The following F13A1 variants were observed in gnomAD, a reference collection of about 807,000 sequenced individuals.
F13A1 encodes the protein FSF, A subunit.
In F13A1, 47 loss-of-function variants were observed where a neutral mutation model predicts 80.1. The observed-to-expected ratio is 0.59, with a 90% CI of 0.46 to 0.75. The LOEUF (loss-of-function observed/expected upper bound fraction) is 0.75, where lower values mean the gene tolerates loss of function less well. Among genes scored for constraint, F13A1 ranks in the 30% least tolerant of loss-of-function variants. F13A1 has a pLI of 0.00. For synonymous variants in F13A1, 349 were observed against 344.9 expected (o/e 1.01, Z -0.13); for missense variants, 817 against 930.4 (o/e 0.88, Z 1.59).
chr6:6,145,655 C>T lies in F13A1; in HGVS notation c.2163G>A (p.Glu721=). ...SSDSLRHVYG[E]LDVQIQRRPS... Reference sequence around the variant, plus strand: ...GTCGTCTTTGAATCTGCACGTCCAGCTCGCCATACACATGTCTCAGGGAGT... The same window carrying T: ...GTCGTCTTTGAATCTGCACGTCCAGTTCGCCATACACATGTCTCAGGGAGT... Residue 721 remains glutamate, a synonymous_variant, in exon 15 of 15, where the codon GAG becomes GAA. Coordinates refer to ENST00000264870, the MANE Select transcript of F13A1 (RefSeq NM_000129.4). 1 of 1,614,206 alleles carries T rather than the reference C, an allele frequency of 6.2e-7. No homozygotes were observed. Among genetic ancestry groups the T allele is most frequent in the Non-Finnish European group, 8.5e-7 (1 of 1,180,010 alleles).
At chr6:6,307,646 T>C (rs1042379088) in intron 2 of F13A1, among the ~76,000 whole-genome samples, 1 of 152,180 alleles carries the variant, frequency 6.6e-6, no homozygotes, top group African/African-American at 2.4e-5. Flanking sequence ...TATACTGATA[T>C]TACATCCTTA....
chr6:6,269,735 A>G (rs113359575), intron 3 of F13A1, among the ~76,000 whole-genome samples: 2,561 of 151,522 alleles, frequency 0.017, 27 homozygotes, highest in Middle Eastern at 0.034. Flanking sequence ...TTGTTTTGAG[A>G]TGGAGTCTTG....
At chr6:6,313,355 A>T (rs151025041) in intron 2 of F13A1, among the ~76,000 whole-genome samples, 1 of 150,496 alleles carries the variant, frequency 6.6e-6, no homozygotes, top group East Asian at 2.0e-4. Flanking sequence ...CAGCTTTCAA[A>T]CTGTCTACCT....
At chr6:6,230,249 G>C (rs541197079) in intron 6 of F13A1, among the ~76,000 whole-genome samples, 2 of 152,110 alleles carry the variant, frequency 1.3e-5, no homozygotes, top group East Asian at 3.9e-4. Context: ...GGGCTGTTGA[G>C]GGGGGCACGG....
At chr6:6,296,065 G>A (rs1241946128) in intron 3 of F13A1, among the ~76,000 whole-genome samples, 1 of 146,934 alleles carries the variant, frequency 6.8e-6, no homozygotes, top group South Asian at 2.1e-4. Flanking sequence ...TAGATATGTG[G>A]CATTATTTCT....
chr6:6,259,298 C>G (rs1757746120), intron 4 of F13A1, among the ~76,000 whole-genome samples: 2 of 152,054 alleles, frequency 1.3e-5, no homozygotes, highest in African/African-American at 4.8e-5. Context: ...GTTACTTACT[C>G]CATTCTGTAT....
chr6:6,227,221 T>C (rs1333811426), intron 6 of F13A1, among the ~76,000 whole-genome samples: 1 of 152,252 alleles, frequency 6.6e-6, no homozygotes, highest in East Asian at 1.9e-4. Flanking sequence ...GAGGGTCCCT[T>C]CTGGGGAGTG....
intron 3 of F13A1, among the ~76,000 whole-genome samples, chr6:6,273,361 GA>G (rs1276283443): frequency 6.6e-6 from 1 of 152,204 alleles, no homozygotes; most frequent in African/African-American, 2.4e-5. Context: ...GATCATCATA[GA>G]GATGTTAGAA....
In F13A1 at chr6:6,266,699, G is replaced by T. The variant is rs767046666; in HGVS notation, c.430C>A (p.Arg144=). The change falls in exon 4 of 15, where the codon CGG becomes AGG. Residue 144 remains arginine, a synonymous_variant. Coordinates refer to ENST00000264870, the MANE Select transcript of F13A1 (RefSeq NM_000129.4). ...TTGGGGGAAGACTGGATGGACAGCCGCACAGACCTGTCCTCTCTCATGACA... is the reference window on the plus strand; with the variant it reads ...TTGGGGGAAGACTGGATGGACAGCCTCACAGACCTGTCCTCTCTCATGACA... ...KIVMREDRSV[R]LSIQSSPKCI... The T allele has an allele frequency of 1.2e-6, 2 of 1,614,136 alleles. No homozygotes were observed. Among genetic ancestry groups the T allele is most frequent in the South Asian group, 2.2e-5 (2 of 91,080 alleles).
intron 13 of F13A1, among the ~76,000 whole-genome samples, chr6:6,167,113 T>G (rs1561641063): frequency 6.6e-6 from 1 of 152,196 alleles, no homozygotes; most frequent in East Asian, 1.9e-4. Flanking sequence ...CCTGACCCAC[T>G]TTATTCTGGA....
At chr6:6,190,305 T>C (rs1029023816) in intron 10 of F13A1, among the ~76,000 whole-genome samples, 1 of 152,260 alleles carries the variant, frequency 6.6e-6, no homozygotes, top group Non-Finnish European at 1.5e-5. Flanking sequence ...GCGCTCTTCT[T>C]TCTAGAGTTT....
rs1386777388 is a variant in F13A1 at position 6,212,984 on chromosome 6, G to A, written c.1112+9049C>T. Among the ~76,000 whole-genome samples the A allele has an allele frequency of 2.0e-5, 3 of 152,094 alleles. No homozygotes were observed. In the South Asian group the frequency reaches 6.2e-4, roughly 32 times the overall value. On this transcript the variant is annotated intron_variant, in intron 8 of 14. Coordinates refer to ENST00000264870, the MANE Select transcript of F13A1 (RefSeq NM_000129.4). ...TGAGAAGGGAAGTTTAGAGAAAAAA[G>A]AATAAAAAGAAACCAGAAAAGCCTC...
chr6:6,222,276 A>T (rs1757206604), intron 7 of F13A1, 105 bp from the exon 8 acceptor site: 1 of 1,455,908 alleles, frequency 6.9e-7, no homozygotes, highest in Non-Finnish European at 9.5e-7. Flanking sequence ...CCAACATGAA[A>T]AGCCCTTTGG....
At chr6:6,293,773 G>C (rs1158735839) in intron 3 of F13A1, among the ~76,000 whole-genome samples, 1 of 123,088 alleles carries the variant, frequency 8.1e-6, no homozygotes, top group Non-Finnish European at 1.7e-5. Flanking sequence ...AATGGAGGGA[G>C]TGAGAGAGAG....
intron 6 of F13A1, among the ~76,000 whole-genome samples, chr6:6,247,610 G>C (rs766350357): frequency 3.9e-5 from 6 of 152,280 alleles, no homozygotes; most frequent in Non-Finnish European, 7.4e-5. Flanking sequence ...TTGTTCCACT[G>C]CAAGATCTCT....
At chr6:6,218,726 A>G (rs890223651) in intron 8 of F13A1, among the ~76,000 whole-genome samples, 1 of 152,224 alleles carries the variant, frequency 6.6e-6, no homozygotes, top group Non-Finnish European at 1.5e-5. Flanking sequence ...AACATCCTTC[A>G]TGCAGGGGAC....
intron 14 of F13A1, 28 bp from the exon 15 acceptor site, chr6:6,145,800 T>C (rs758727530): frequency 6.2e-7 from 1 of 1,613,790 alleles, no homozygotes; most frequent in Non-Finnish European, 8.5e-7. Flanking sequence ...AGAGGAGAGG[T>C]TGGAAGATCC....
intron 2 of F13A1, among the ~76,000 whole-genome samples, chr6:6,306,556 G>T (rs191992326): frequency 1.2e-3 from 189 of 152,344 alleles, no homozygotes; most frequent in African/African-American, 3.7e-3. Flanking sequence ...ATGACTGAAA[G>T]TGGGGGTCAT....
At chr6:6,161,613 T>C (rs535068197) in intron 13 of F13A1, among the ~76,000 whole-genome samples, 1 of 152,058 alleles carries the variant, frequency 6.6e-6, no homozygotes, top group East Asian at 1.9e-4. Flanking sequence ...AGAAAAATTC[T>C]ATGTCTGATT....
Sources: allele counts gnomAD v4.1 joint callset (sites outside exome capture counted in the v4.1 genomes callset), GRCh38; gene constraint gnomAD v4.1.1; transcripts MANE v1.5; gene names NCBI Gene and HGNC (gene_info 2026-07-23, HGNC 2026-07-21).